The following SNX7 variants were observed in gnomAD, a reference collection of about 807,000 sequenced individuals.
SNX7 encodes the protein sorting nexin 7.
A neutral mutation model predicts 48.4 loss-of-function variants in SNX7; 35 were observed. That is an observed-to-expected ratio of 0.72 (90% confidence interval 0.55 to 0.96). SNX7 has a LOEUF of 0.96. Among genes scored for constraint, SNX7 ranks in the 40% least tolerant of loss-of-function variants. The pLI is 0.00. For synonymous variants in SNX7, 190 were observed against 190.2 expected (o/e 1.00, Z 0.01); for missense variants, 553 against 548.9 (o/e 1.01, Z -0.07).
intron 7 of SNX7, among the ~76,000 whole-genome samples, chr1:98,725,718 A>G (rs1015631520): frequency 2.0e-5 from 3 of 151,996 alleles, no homozygotes; most frequent in African/African-American, 7.3e-5. Flanking sequence ...GTCTTAGGGT[A>G]TTTACATTCC....
At chr1:98,695,231 C>T (rs567845481) in intron 4 of SNX7, among the ~76,000 whole-genome samples, 12 of 152,166 alleles carry the variant, frequency 7.9e-5, no homozygotes, top group African/African-American at 2.6e-4. Flanking sequence ...TCTCATTGAG[C>T]ACTATTCTGT....
chr1:98,686,083 T>C (rs1650778419), intron 2 of SNX7, among the ~76,000 whole-genome samples: 4 of 152,130 alleles, frequency 2.6e-5, no homozygotes, highest in Admixed American at 2.6e-4. Flanking sequence ...GCATATAGTT[T>C]TCCTTCTGTT....
chr1:98,704,072 T>TA (rs898053946), intron 7 of SNX7, among the ~76,000 whole-genome samples: 448 of 144,870 alleles, frequency 3.1e-3, no homozygotes, highest in African/African-American at 7.2e-3. Context: ...CCAACTCAGT[T>TA]AAAAAAAAAA....
At chr1:98,740,957 A>T (rs1654040525) in intron 8 of SNX7, among the ~76,000 whole-genome samples, 1 of 152,134 alleles carries the variant, frequency 6.6e-6, no homozygotes, top group African/African-American at 2.4e-5. Context: ...CAGATTTGGC[A>T]CATCAGTCCA....
intron 7 of SNX7, among the ~76,000 whole-genome samples, chr1:98,728,407 C>G (rs1653307472): frequency 2.6e-5 from 4 of 151,990 alleles, no homozygotes; most frequent in Non-Finnish European, 4.4e-5. Context: ...TATAAAATAA[C>G]CAGCTAGCAT....
intron 1 of SNX7, among the ~76,000 whole-genome samples, chr1:98,678,110 C>T (rs1650277496): frequency 6.6e-6 from 1 of 151,848 alleles, no homozygotes; most frequent in African/African-American, 2.4e-5. Flanking sequence ...CATGGTTCTG[C>T]ATGCTGTACA....
chr1:98,686,595 T>A lies in SNX7; in HGVS notation c.363+1528T>A, dbSNP rs547712090. ...GTAAACTATTTATTTTGTTGATGAA[T>A]GAGTGAAGGAATTATCTTAGCTATA... On this transcript the variant is annotated intron_variant, in intron 2 of 8. Transcript: ENST00000306121. Among the ~76,000 whole-genome samples, 10 of 152,258 alleles carry A rather than the reference T, an allele frequency of 6.6e-5. No homozygotes were observed. In the East Asian group the frequency reaches 1.9e-3, roughly 29 times the overall value.
intron 7 of SNX7, among the ~76,000 whole-genome samples, chr1:98,737,626 G>T (rs1467803576): frequency 1.3e-5 from 2 of 152,146 alleles, no homozygotes; most frequent in African/African-American, 4.8e-5. Flanking sequence ...GGGGAAGAGG[G>T]TAAATATTAC....
At chr1:98,725,009 G>A (rs978988431) in intron 7 of SNX7, among the ~76,000 whole-genome samples, 2 of 152,238 alleles carry the variant, frequency 1.3e-5, no homozygotes, top group South Asian at 4.2e-4. Context: ...TTAATATGGT[G>A]TACGGTTCAA....
chr1:98,695,886 A>G (rs2100965212), intron 5 of SNX7, among the ~76,000 whole-genome samples, 170 bp downstream of exon 5: 1 of 152,296 alleles, frequency 6.6e-6, no homozygotes, highest in Admixed American at 6.5e-5. Context: ...GAAGGTAGTT[A>G]TGGCCAGTCT....
intron 8 of SNX7, among the ~76,000 whole-genome samples, chr1:98,759,090 T>G (rs1053965080): frequency 6.6e-6 from 1 of 151,962 alleles, no homozygotes; most frequent in Non-Finnish European, 1.5e-5. Context: ...TTTAAAGCTG[T>G]GAAAGCATTA....
At chr1:98,728,637 A>G (rs191696181) in intron 7 of SNX7, among the ~76,000 whole-genome samples, 1 of 152,312 alleles carries the variant, frequency 6.6e-6, no homozygotes, top group African/African-American at 2.4e-5. Flanking sequence ...AGGAACAAGC[A>G]GGGGTTGCAA....
At chr1:98,712,469 T>C (rs1369953071) in intron 7 of SNX7, among the ~76,000 whole-genome samples, 2 of 152,198 alleles carry the variant, frequency 1.3e-5, no homozygotes, top group Non-Finnish European at 2.9e-5. Flanking sequence ...ACCAAGTACA[T>C]TGTCAATAAA....
chr1:98,710,466 A>G (rs1652243321), intron 7 of SNX7, among the ~76,000 whole-genome samples: 1 of 152,120 alleles, frequency 6.6e-6, no homozygotes, highest in African/African-American at 2.4e-5. Context: ...CTTAACTGCA[A>G]CCGAAAAAGT....
intron 8 of SNX7, among the ~76,000 whole-genome samples, chr1:98,751,444 G>T (rs1654574301): frequency 6.6e-6 from 1 of 151,952 alleles, no homozygotes; most frequent in South Asian, 2.1e-4. Flanking sequence ...AAACAAAAAG[G>T]CTTTGTTTAC....
At chr1:98,726,325 G>A (rs9728629) in intron 7 of SNX7, among the ~76,000 whole-genome samples, 40,153 of 152,106 alleles carry the variant, frequency 0.26, 5,643 homozygotes, top group Middle Eastern at 0.31. Flanking sequence ...GAGAAAGATG[G>A]AATGTTATTT....
intron 7 of SNX7, among the ~76,000 whole-genome samples, chr1:98,719,297 G>C (rs1008720861): frequency 5.9e-5 from 9 of 152,106 alleles, no homozygotes; most frequent in African/African-American, 1.9e-4. Flanking sequence ...CCCAGCTGCT[G>C]TCCACAGAAA....
intron 8 of SNX7, among the ~76,000 whole-genome samples, chr1:98,751,040 CT>C (rs1654554117): frequency 6.6e-6 from 1 of 151,998 alleles, no homozygotes; most frequent in East Asian, 1.9e-4. Context: ...GTTCAAACCC[CT>C]TACTATGAAT....
intron 7 of SNX7, among the ~76,000 whole-genome samples, chr1:98,730,807 G>A (rs1249888017): frequency 1.3e-5 from 2 of 152,102 alleles, no homozygotes; most frequent in East Asian, 1.9e-4. Flanking sequence ...AATCAGTATT[G>A]TGAAAATGGC....
Sources: gnomAD v4.1 joint callset for allele counts (sites outside exome capture counted in the v4.1 genomes callset) on GRCh38, gnomAD v4.1.1 for gene constraint, MANE v1.5 for transcripts, NCBI Gene and HGNC (gene_info 2026-07-23, HGNC 2026-07-21) for gene names.